Variants in UNC80 observed in about 807,000 individuals in gnomAD.
UNC80 encodes the protein protein unc-80 homolog.
A neutral mutation model predicts 384.6 loss-of-function variants in UNC80; 164 were observed. The observed-to-expected ratio is 0.43, with a 90% CI of 0.38 to 0.49. UNC80 has a LOEUF of 0.49. Ranked by LOEUF, UNC80 falls within the 20% of genes least tolerant of loss-of-function variation. The probability of loss-of-function intolerance (pLI) is 0.00; values close to 1 mark genes in which losing one functional copy is unlikely to be tolerated. For synonymous variants in UNC80, 1,486 were observed against 1,527.8 expected, an observed-to-expected ratio of 0.97 and a Z score of 0.64; for missense variants, 3,330 against 4,143.0, an observed-to-expected ratio of 0.80 and a Z score of 5.39.
chr2:209,814,384 C>T (rs867071619), intron 8 of UNC80, among the ~76,000 whole-genome samples: 8 of 152,182 alleles, frequency 5.3e-5, no homozygotes, highest in Middle Eastern at 3.4e-3. Flanking sequence ...TGCAGGACTA[C>T]AGGCGCCCGC....
intron 29 of UNC80, among the ~76,000 whole-genome samples, chr2:209,908,051 AT>A (rs2124935266): frequency 1.3e-5 from 2 of 152,362 alleles, no homozygotes; most frequent in South Asian, 4.1e-4. Context: ...TGTGATAAAC[AT>A]TTTATTTGCA....
intron 22 of UNC80, among the ~76,000 whole-genome samples, chr2:209,852,339 A>G (rs1297142169): frequency 1.3e-5 from 2 of 152,070 alleles, no homozygotes; most frequent in African/African-American, 4.8e-5. Flanking sequence ...GCAAAAAGAG[A>G]GAGAATCTGG....
intron 22 of UNC80, among the ~76,000 whole-genome samples, chr2:209,862,058 A>G (rs1334982625): frequency 6.6e-6 from 1 of 151,666 alleles, no homozygotes; most frequent in Non-Finnish European, 1.5e-5. Flanking sequence ...GATCTTACTT[A>G]TTGCTTGTCT....
chr2:209,810,198 C>G (rs1044554846), intron 7 of UNC80, among the ~76,000 whole-genome samples: 1 of 152,106 alleles, frequency 6.6e-6, no homozygotes, highest in African/African-American at 2.4e-5. Flanking sequence ...TCAAGAGGGA[C>G]TGTAAGTAAT....
At chr2:209,993,222 C>A in intron 62 of UNC80, 93 bp from the exon 63 acceptor site, 1 of 929,784 alleles carries the variant, frequency 1.1e-6, no homozygotes, top group Non-Finnish European at 1.6e-6. Flanking sequence ...AAGGAACAAC[C>A]ATAAGAATCC....
At chr2:209,885,100 G>C (rs1482808547) in intron 25 of UNC80, among the ~76,000 whole-genome samples, 2 of 151,356 alleles carry the variant, frequency 1.3e-5, no homozygotes, top group Non-Finnish European at 2.9e-5. Flanking sequence ...AAAAAACACT[G>C]GATTTCAAAG....
chr2:209,881,223 C>A, intron 25 of UNC80, 129 bp downstream of exon 25: 39 of 1,072,896 alleles, frequency 3.6e-5, no homozygotes, highest in Non-Finnish European at 5.0e-5. Flanking sequence ...AAAATTCAAC[C>A]AAGGGATTTT....
Position 209,820,517 on chromosome 2 carries a change from A to G in UNC80, c.2169A>G (p.Gly723=). The change falls in exon 13 of 65, where the codon GGA becomes GGG. Residue 723 remains glycine, a synonymous_variant. Coordinates refer to ENST00000673920, the MANE Select transcript of UNC80 (RefSeq NM_001371986.1). ...EGAFQFKGVS[G]SSTCGFGGPA... is the part of the protein sequence containing the mutation. ...CTTTCCAATTCAAAGGAGTATCTGG[A>G]AGTTCCACCTGTGGATTCGGAGGCC... 1.3e-6 allele frequency: 2 copies of G among 1,551,354 alleles called. No individual in the cohort carries two copies. Among genetic ancestry groups the G allele is most frequent in the Non-Finnish European group, 1.7e-6 (2 of 1,146,946 alleles).
At chr2:209,917,983 G>C (rs2089696803) in intron 32 of UNC80, 25 bp downstream of exon 32, 4 of 1,548,302 alleles carry the variant, frequency 2.6e-6, no homozygotes, top group African/African-American at 1.4e-5. Context: ...TCACAGAGGA[G>C]TTACATTAGC....
intron 19 of UNC80, 121 bp from the exon 20 acceptor site, chr2:209,840,421 G>T: frequency 1.3e-6 from 1 of 789,048 alleles, no homozygotes; most frequent in Non-Finnish European, 2.0e-6. Flanking sequence ...AAAACAATTT[G>T]TTTTTCTATT....
chr2:209,777,248 T>G lies in UNC80; in HGVS notation c.299-10T>G. 2 of 1,569,620 alleles carry G rather than the reference T, an allele frequency of 1.3e-6. No individual in the cohort carries two copies. The highest frequency in any genetic ancestry group is 1.7e-6 in the Non-Finnish European group (2 of 1,160,962). ...TTTTCTTAACCTGCCTGTGTAATTG[T>G]CCCATGCAGGCCACCAGGATAAATT... On this transcript the variant is annotated splice_polypyrimidine_tract_variant and intron_variant, in intron 3 of 64. Coordinates refer to ENST00000673920, the MANE Select transcript of UNC80 (RefSeq NM_001371986.1).
intron 35 of UNC80, among the ~76,000 whole-genome samples, chr2:209,922,738 T>C (rs2090137799): frequency 6.6e-6 from 1 of 152,202 alleles, no homozygotes; most frequent in African/African-American, 2.4e-5. Context: ...TCTCTGAGGG[T>C]AGGACTCATC....
intron 1 of UNC80, among the ~76,000 whole-genome samples, chr2:209,772,649 C>T (rs569718170): frequency 6.6e-6 from 1 of 152,202 alleles, no homozygotes; most frequent in East Asian, 1.9e-4. Flanking sequence ...GGGACCTTCC[C>T]CCACAACCCC....
At chr2:209,804,087 A>G (rs1462966537) in intron 7 of UNC80, among the ~76,000 whole-genome samples, 1 of 152,104 alleles carries the variant, frequency 6.6e-6, no homozygotes, top group Non-Finnish European at 1.5e-5. Flanking sequence ...TACATTAATC[A>G]TTACTTCCTA....
At position 209,831,548 on chromosome 2, in the gene UNC80, G is replaced by A. The variant is rs1221315570; in HGVS notation, c.2732G>A (p.Arg911His). Residue 911 changes from arginine (R) to histidine (H), a missense_variant, in exon 16 of 65, where the codon CGC (arginine) becomes CAC (histidine). Around this residue, in one of 8 missense-constraint regions of UNC80, gnomAD observed 937 missense variants for 1,026.8 expected, o/e 0.91. Coordinates refer to ENST00000673920, the MANE Select transcript of UNC80 (RefSeq NM_001371986.1). ...GCCATGTTTAAATCCCTCATCACACGCTGCGCTTCAACCACACATGAATTG... is the reference window on the plus strand; with the variant it reads ...GCCATGTTTAAATCCCTCATCACACACTGCGCTTCAACCACACATGAATTG... ...VSAMFKSLITRCASTTHELHS... is the reference protein window; with the variant it reads ...VSAMFKSLITHCASTTHELHS... 7.1e-6 allele frequency: 11 copies of A among 1,550,418 alleles called. No individual in the cohort carries two copies. The highest frequency in any genetic ancestry group is 2.4e-5 in the East Asian group (1 of 40,826).
chr2:209,887,830 T>C (rs1402913114), intron 25 of UNC80, among the ~76,000 whole-genome samples: 3 of 152,170 alleles, frequency 2.0e-5, no homozygotes, highest in African/African-American at 7.2e-5. Context: ...AGGAAGATAG[T>C]TTTGGATTTG....
intron 47 of UNC80, among the ~76,000 whole-genome samples, chr2:209,948,792 A>C (rs934435235): frequency 2.6e-5 from 4 of 152,148 alleles, no homozygotes; most frequent in African/African-American, 9.7e-5. Flanking sequence ...TATTTGCTAA[A>C]GGATTTTGTT....
chr2:209,974,036 G>A (rs113070979), intron 56 of UNC80, among the ~76,000 whole-genome samples: 4,675 of 152,218 alleles, frequency 0.031, 150 homozygotes, highest in South Asian at 0.14. Flanking sequence ...AACTGGGCCA[G>A]CAGGAAAAGA....
chr2:209,834,781 A>C, intron 17 of UNC80, 131 bp from the exon 18 acceptor site: 1 of 651,446 alleles, frequency 1.5e-6, no homozygotes, highest in Non-Finnish European at 2.6e-6. Flanking sequence ...AACAACATAG[A>C]CTCCTGGTGA....
Sources: allele counts gnomAD v4.1 joint callset (sites outside exome capture counted in the v4.1 genomes callset), GRCh38; gene constraint gnomAD v4.1.1; regional missense constraint gnomAD v4.1.1; transcripts MANE v1.5; gene names NCBI Gene and HGNC (gene_info 2026-07-23, HGNC 2026-07-21).